Variants in TENM2 observed in about 807,000 individuals in gnomAD.
TENM2 encodes the protein teneurin-2.
A neutral mutation model predicts 245.2 loss-of-function variants in TENM2; 52 were observed. The observed-to-expected ratio is 0.21, with a 90% CI of 0.17 to 0.27. The LOEUF is 0.27. TENM2 is among the 10% of genes least tolerant of loss of function. The pLI, the probability that TENM2 is intolerant of heterozygous loss-of-function variation, is 1.00. For synonymous variants in TENM2, 1,363 were observed against 1,438.9 expected (o/e 0.95, Z 1.19); for missense variants, 3,046 against 3,666.8 (o/e 0.83, Z 4.37).
At chr5:167,831,485 CTTTTTTT>C (rs10667494) in intron 2 of TENM2, among the ~76,000 whole-genome samples, 7 of 127,766 alleles carry the variant, frequency 5.5e-5, no homozygotes, top group South Asian at 5.2e-4. Context: ...GAGTTCAGCA[CTTTTTTT>C]TTTTTTTTTT....
At chr5:167,888,395 A>G (rs986185758) in intron 3 of TENM2, among the ~76,000 whole-genome samples, 3 of 152,204 alleles carry the variant, frequency 2.0e-5, no homozygotes, top group Non-Finnish European at 4.4e-5. Context: ...AATAAATATT[A>G]GGTGAATTAA....
At chr5:166,997,160 T>A in the TENM2 span, among the ~76,000 whole-genome samples, 1 of 152,126 alleles carries the variant, frequency 6.6e-6, no homozygotes, top group Non-Finnish European at 1.5e-5. Flanking sequence ...CAAAAACATC[T>A]GCCCACCATG....
At chr5:168,212,157 A>AT (rs972199416) in intron 20 of TENM2, among the ~76,000 whole-genome samples, 2 of 150,834 alleles carry the variant, frequency 1.3e-5, no homozygotes, top group African/African-American at 2.5e-5. Context: ...CTCATTAATG[A>AT]TTTTTTCCCC....
intron 2 of TENM2, among the ~76,000 whole-genome samples, chr5:167,687,321 A>AT (rs1757139352): frequency 6.6e-6 from 1 of 152,174 alleles, no homozygotes; most frequent in African/African-American, 2.4e-5. Flanking sequence ...GTCAATATGT[A>AT]TTTTTTAAAA....
chr5:167,304,805 T>G (rs1301883674), intron 1 of TENM2, among the ~76,000 whole-genome samples: 1 of 152,204 alleles, frequency 6.6e-6, no homozygotes, highest in African/African-American at 2.4e-5. Context: ...AAACACATGC[T>G]TAGCAAACCT....
At chr5:167,711,182 A>T (rs1247191164) in intron 2 of TENM2, among the ~76,000 whole-genome samples, 1 of 152,196 alleles carries the variant, frequency 6.6e-6, no homozygotes, top group Non-Finnish European at 1.5e-5. Flanking sequence ...GTAATCAACC[A>T]CCAATCCAAT....
At chr5:167,250,552 A>T in the TENM2 span, among the ~76,000 whole-genome samples, 1 of 152,264 alleles carries the variant, frequency 6.6e-6, no homozygotes, top group South Asian at 2.1e-4. Flanking sequence ...CCACTGACAT[A>T]TAGTATAATG....
intron 3 of TENM2, among the ~76,000 whole-genome samples, chr5:167,947,283 T>C (rs142304794): frequency 9.2e-4 from 140 of 152,330 alleles, no homozygotes; most frequent in African/African-American, 2.9e-3. Context: ...TATCAAATAG[T>C]AATAATCATA....
intron 9 of TENM2, among the ~76,000 whole-genome samples, chr5:168,109,791 G>A (rs1794528265): frequency 1.3e-5 from 2 of 152,148 alleles, no homozygotes; most frequent in South Asian, 2.1e-4. Context: ...CGAGGCAGTC[G>A]CATCACTTTT....
chr5:168,034,327 T>G (rs1787467648), intron 5 of TENM2, among the ~76,000 whole-genome samples: 5 of 131,970 alleles, frequency 3.8e-5, no homozygotes, highest in South Asian at 2.4e-4. Context: ...GGTGAAAGAG[T>G]GAGACTCCGT....
the TENM2 span, among the ~76,000 whole-genome samples, chr5:167,263,401 G>A: frequency 1.3e-5 from 2 of 152,160 alleles, no homozygotes; most frequent in African/African-American, 4.8e-5. Flanking sequence ...AGCCATGGGA[G>A]TATATGCAGA....
chr5:167,439,538 T>C (rs1433522820), intron 2 of TENM2, among the ~76,000 whole-genome samples: 1 of 152,194 alleles, frequency 6.6e-6, no homozygotes, highest in Non-Finnish European at 1.5e-5. Flanking sequence ...GAATTAATAA[T>C]ACACTGCATG....
chr5:167,741,581 G>A (rs753448549), intron 2 of TENM2, among the ~76,000 whole-genome samples: 1 of 152,100 alleles, frequency 6.6e-6, no homozygotes, highest in Non-Finnish European at 1.5e-5. Flanking sequence ...TACAGGTCCG[G>A]GAATGGAGGC....
At chr5:167,008,013 T>A in the TENM2 span, among the ~76,000 whole-genome samples, 1 of 152,178 alleles carries the variant, frequency 6.6e-6, no homozygotes, top group Non-Finnish European at 1.5e-5. Context: ...GGATGTTGCT[T>A]GAGGTGGCAC....
At chr5:167,175,342 A>G in the TENM2 span, among the ~76,000 whole-genome samples, 3 of 152,240 alleles carry the variant, frequency 2.0e-5, no homozygotes, top group Non-Finnish European at 4.4e-5. Flanking sequence ...TTAGTTTCAG[A>G]TGGCCAGTGG....
chr5:167,598,749 TG>T (rs1475181557), intron 2 of TENM2, among the ~76,000 whole-genome samples: 19 of 151,260 alleles, frequency 1.3e-4, no homozygotes, highest in African/African-American at 4.7e-4. Context: ...AGTTTGTTTT[TG>T]TTTTTTTTTT....
chr5:167,164,859 A>C, the TENM2 span: 1 of 152,182 alleles, frequency 6.6e-6, no homozygotes, highest in African/African-American at 2.4e-5. Context: ...TCTTGATGGC[A>C]GTCTTATATT....
chr5:168,047,790 A>G (rs1281264346), intron 6 of TENM2, among the ~76,000 whole-genome samples: 3 of 152,148 alleles, frequency 2.0e-5, no homozygotes, highest in Non-Finnish European at 4.4e-5. Context: ...CAATGTGCAT[A>G]CCTATGCTAT....
the TENM2 span, among the ~76,000 whole-genome samples, chr5:167,209,691 T>G: frequency 6.6e-6 from 1 of 152,004 alleles, no homozygotes; most frequent in East Asian, 1.9e-4. Flanking sequence ...CCCCATTTTT[T>G]CCCCCACATC....
Sources: gnomAD v4.1 joint callset for allele counts (sites outside exome capture counted in the v4.1 genomes callset) on GRCh38, gnomAD v4.1.1 for gene constraint, MANE v1.5 for transcripts, NCBI Gene and HGNC (gene_info 2026-07-23, HGNC 2026-07-21) for gene names.